Variants in PLEKHM1 observed in about 807,000 individuals in gnomAD.
The protein encoded by PLEKHM1 is pleckstrin homology and RUN domain containing M1, also known as pleckstrin homology domain-containing family M member 1.
PLEKHM1 carries 28 observed loss-of-function variants against 94.3 expected under a neutral mutation model. The ratio of observed to expected loss-of-function variants is 0.30; its 90% CI spans 0.22 to 0.41. The LOEUF is 0.41. Among genes scored for constraint, PLEKHM1 ranks in the 10% least tolerant of loss-of-function variants. The pLI, the probability that PLEKHM1 is intolerant of heterozygous loss-of-function variation, is 1.00. For missense variants in PLEKHM1, 907 were observed against 1,358.6 expected, an observed-to-expected ratio of 0.67 and a Z score of 5.22; for synonymous variants, 424 against 581.2, an observed-to-expected ratio of 0.73 and a Z score of 3.89.
chr17:45,488,315 C>A (rs1022359247), intron 1 of PLEKHM1, among the ~76,000 whole-genome samples: 47 of 152,178 alleles, frequency 3.1e-4, no homozygotes, highest in Non-Finnish European at 8.8e-5. Context: ...TTGCCTGACC[C>A]ATTCACCATT....
In PLEKHM1 at chr17:45,437,874, T is replaced by C. The variant is rs1404624858; in HGVS notation, c.3155A>G (p.Gln1052Arg). 2.5e-6 allele frequency: 4 copies of C among 1,613,928 alleles called. No homozygotes were observed. The highest frequency in any genetic ancestry group is 1.3e-5 in the African/African-American group (1 of 75,082). Reference protein sequence around the residue: ...RCARRRKYQEQNIFA With the variant: ...RCARRRKYQERNIFA ...AGATGGGCATCAGGCGAAAATGTTC[T>C]GTTCCTGGTACTTGCGCCGGCGGGC... The change falls in exon 12 of 12, where the codon CAG becomes CGG. Residue 1052 changes from glutamine (Q) to arginine (R), a missense_variant. This residue lies in a region of PLEKHM1 where 254 missense variants were observed against 451.1 expected (regional missense o/e 0.56). Transcript: ENST00000430334. This position sits in a 1 kb window ranked among gnomAD's most constrained non-coding sequence, Gnocchi z 4.0.
At chr17:45,448,863 T>A (rs1310490792) in intron 8 of PLEKHM1, among the ~76,000 whole-genome samples, 2 of 152,132 alleles carry the variant, frequency 1.3e-5, no homozygotes, top group Admixed American at 6.5e-5. Flanking sequence ...CATAAAAAAG[T>A]ACCCAAGGCA....
chr17:45,457,192 AAG>A (rs2050983395), intron 6 of PLEKHM1, among the ~76,000 whole-genome samples: 1 of 151,234 alleles, frequency 6.6e-6, no homozygotes, highest in Non-Finnish European at 1.5e-5. Flanking sequence ...AAAAAAAAAA[AAG>A]AAGCACTGGA....
rs1482251011 is a variant in PLEKHM1 at position 45,436,673 on chromosome 17, G to C, written c.*1185C>G. On this transcript the variant is annotated 3_prime_UTR_variant, in exon 12 of 12. Transcript: ENST00000430334. ...AAAACAATTCCAGACTCCCACCCCAGCCCCAAGGCCCCTTCAAAGGCAGTC... is the reference window on the plus strand; with the variant it reads ...AAAACAATTCCAGACTCCCACCCCACCCCCAAGGCCCCTTCAAAGGCAGTC... 2 of 454,110 alleles carry C rather than the reference G, an allele frequency of 4.4e-6. No individual in the cohort carries two copies. The highest frequency in any genetic ancestry group is 4.7e-5 in the Admixed American group (2 of 42,582). 28.1% of individuals were successfully genotyped at this position (454,110 alleles called of 1,614,324 possible). A position where few individuals can be genotyped will look rare whatever the true frequency, so the allele number is the denominator to read the frequency against.
intron 4 of PLEKHM1, among the ~76,000 whole-genome samples, chr17:45,468,937 C>T (rs1567792031): frequency 6.6e-6 from 1 of 151,904 alleles, no homozygotes; most frequent in Non-Finnish European, 1.5e-5. Context: ...CAGCCAAACA[C>T]ATGGTTGTGT....
Position 45,445,434 on chromosome 17 carries a change from C to T in PLEKHM1, c.2837+36G>A, listed in dbSNP as rs371181596. 2.4e-4 allele frequency: 384 copies of T among 1,572,652 alleles called. 2 individuals are homozygous for T. In the African/African-American group the frequency reaches 4.0e-3, roughly 16 times the overall value. On this transcript the variant is annotated intron_variant, in intron 9 of 11. Coordinates refer to ENST00000430334, the MANE Select transcript of PLEKHM1 (RefSeq NM_014798.3). This position sits in a 1 kb window ranked among gnomAD's most constrained non-coding sequence, Gnocchi z 4.2. Reference sequence around the variant, plus strand: ...TTGTGTGCATGCATGTGCGTGTGTACGTGCACTCACACGCATACACGTAGA... The same window carrying T: ...TTGTGTGCATGCATGTGCGTGTGTATGTGCACTCACACGCATACACGTAGA...
chr17:45,475,956 T>C, intron 3 of PLEKHM1: 1 of 608,836 alleles, frequency 1.6e-6, no homozygotes, highest in Non-Finnish European at 3.0e-6. Flanking sequence ...GTGACCAGCC[T>C]GGGCAACAGG....
rs1462488557 is a variant in PLEKHM1 at position 45,436,608 on chromosome 17, C to A, written c.*1250G>T. The A allele has an allele frequency of 2.2e-6, 1 of 453,938 alleles. No individual in the cohort carries two copies. The highest frequency in any genetic ancestry group is 6.9e-5 in the East Asian group (1 of 14,390). The allele number at this position is 453,938 out of a possible 1,614,324, so 28.1% of individuals were successfully genotyped here. A position where few individuals can be genotyped will look rare whatever the true frequency, so the allele number is the denominator to read the frequency against. On this transcript the variant is annotated 3_prime_UTR_variant, in exon 12 of 12. Coordinates refer to ENST00000430334, the MANE Select transcript of PLEKHM1 (RefSeq NM_014798.3). ...AAGGCGACAGAGAGACCAGCAAACC[C>A]ACATTTCCCCGAAGCCTGGAGGGTC... is the stretch of plus-strand genomic sequence containing the variant.
At chr17:45,452,422 AAAAC>A (rs923038347) in intron 7 of PLEKHM1, among the ~76,000 whole-genome samples, 39 of 145,210 alleles carry the variant, frequency 2.7e-4, no homozygotes, top group Admixed American at 7.7e-4. Context: ...CATCTCTACT[AAAAC>A]AAACAAACAA....
chr17:45,486,120 G>A (rs978089865), intron 1 of PLEKHM1, among the ~76,000 whole-genome samples: 1 of 149,866 alleles, frequency 6.7e-6, no homozygotes, highest in African/African-American at 2.5e-5. Flanking sequence ...GGGAGGCTGA[G>A]GCAGGAGAAT....
intron 9 of PLEKHM1, among the ~76,000 whole-genome samples, chr17:45,443,757 C>G (rs1407412057): frequency 6.6e-6 from 1 of 152,156 alleles, no homozygotes; most frequent in African/African-American, 2.4e-5. Context: ...GAGATTTCAC[C>G]ACCTGGTTAG....
Position 45,439,500 on chromosome 17 carries a change from G to A in PLEKHM1, c.3036C>T (p.Pro1012=), listed in dbSNP as rs998193215. 2 of 1,614,128 alleles carry A rather than the reference G, an allele frequency of 1.2e-6. No individual in the cohort carries two copies. Among genetic ancestry groups the A allele is most frequent in the African/African-American group, 1.3e-5 (1 of 74,956 alleles). Residue 1012 remains proline (P), a synonymous_variant, in exon 11 of 12, where the codon CCC becomes CCT. Coordinates refer to ENST00000430334, the MANE Select transcript of PLEKHM1 (RefSeq NM_014798.3). ...ACCTGACTGTGGTGTCAAACTCAAA[G>A]GGGAAGATGATGTCGTGGTGCTGGC... ...QICQHHDIIF[P]FEFDTTVRCA...
At position 45,445,841 on chromosome 17, in the gene PLEKHM1, T is replaced by C. The variant is rs1246052509; in HGVS notation, c.2644-178A>G. Among the ~76,000 whole-genome samples the C allele has an allele frequency of 6.6e-6, 1 of 152,148 alleles. No homozygotes were observed. The highest frequency in any genetic ancestry group is 1.5e-5 in the Non-Finnish European group (1 of 68,026). The stretch of plus-strand genomic sequence containing the variant: ...CTAGGGTCACCCAGCTTGTAAATGG[T>C]ACAGTCAAGCTCTGAACCCAGTTTA... On this transcript the variant is annotated intron_variant, in intron 8 of 11. Transcript: ENST00000430334. This position sits in a 1 kb window ranked among gnomAD's most constrained non-coding sequence, Gnocchi z 4.2.
In PLEKHM1 at chr17:45,453,566, G is replaced by C. The variant is rs762018721; in HGVS notation, c.2286C>G (p.Ala762=). Residue 762 remains alanine (A), a synonymous_variant, in exon 7 of 12, where the codon GCC becomes GCG. Coordinates refer to ENST00000430334, the MANE Select transcript of PLEKHM1 (RefSeq NM_014798.3). The surrounding 1 kb of genome is among the most constrained non-coding windows in gnomAD (Gnocchi z 4.1). ...GATCCCTCCACAGGGCGGCTTCCTC[G>C]GCGTTTCCGGCCTGCAGCTTCAGGA... The part of the protein sequence containing the change: ...KAVLKLQAGN[A]EEAALWRDLV... The C allele has an allele frequency of 6.3e-7, 1 of 1,598,942 alleles. No individual in the cohort carries two copies. The highest frequency in any genetic ancestry group is 8.5e-7 in the Non-Finnish European group (1 of 1,171,638).
chr17:45,454,299 A>C, intron 6 of PLEKHM1, 27 bp from the exon 7 acceptor site: 1 of 1,564,878 alleles, frequency 6.4e-7, no homozygotes, highest in South Asian at 1.2e-5. Context: ...AAAGGGGCAC[A>C]TTAGTTGGCG....
chr17:45,470,719 C>A (rs980958020), intron 4 of PLEKHM1, among the ~76,000 whole-genome samples: 6 of 150,788 alleles, frequency 4.0e-5, no homozygotes, highest in African/African-American at 1.5e-4. Flanking sequence ...AGTGCAGTGG[C>A]GCCATCTCGG....
At position 45,435,962 on chromosome 17, in the gene PLEKHM1, C is replaced by T; in HGVS notation, c.*1896G>A. 2.2e-6 allele frequency: 1 copy of T among 456,658 alleles called. No individual in the cohort carries two copies. Among genetic ancestry groups the T allele is most frequent in the Non-Finnish European group, 4.4e-6 (1 of 226,966 alleles). 28.3% of individuals were successfully genotyped at this position (456,658 alleles called of 1,614,324 possible). A position where few individuals can be genotyped will look rare whatever the true frequency, so the allele number is the denominator to read the frequency against. On this transcript the variant is annotated 3_prime_UTR_variant, in exon 12 of 12. Coordinates refer to ENST00000430334, the MANE Select transcript of PLEKHM1 (RefSeq NM_014798.3). ...AAAACTCACACGGCAGCAATTCCTT[C>T]AATACATTGCAAAGACTCCTCAGGG...
chr17:45,463,067 C>A (rs924284020), intron 5 of PLEKHM1, among the ~76,000 whole-genome samples: 3 of 137,284 alleles, frequency 2.2e-5, no homozygotes, highest in Non-Finnish European at 3.1e-5. Flanking sequence ...ACCTGGGCAA[C>A]AGCACAAGAG....
At chr17:45,481,559 C>A (rs2051952111) in intron 2 of PLEKHM1, among the ~76,000 whole-genome samples, 1 of 147,776 alleles carries the variant, frequency 6.8e-6, no homozygotes, top group South Asian at 2.2e-4. Flanking sequence ...AAAGGCATAC[C>A]CTCATGGAGT....
Sources: allele counts gnomAD v4.1 joint callset (sites outside exome capture counted in the v4.1 genomes callset), GRCh38; gene constraint gnomAD v4.1.1; regional missense constraint gnomAD v4.1.1; non-coding constraint Gnocchi (gnomAD v3.1); transcripts MANE v1.5; gene names NCBI Gene and HGNC (gene_info 2026-07-23, HGNC 2026-07-21).